Variants in MAGI2 observed in about 807,000 individuals in gnomAD.
MAGI2 encodes membrane associated guanylate kinase, WW and PDZ domain containing 2, also known as membrane-associated guanylate kinase, WW and PDZ domain-containing protein 2.
A neutral mutation model predicts 133.3 loss-of-function variants in MAGI2; 35 were observed. The ratio of observed to expected loss-of-function variants is 0.26; its 90% CI spans 0.20 to 0.35. The LOEUF (loss-of-function observed/expected upper bound fraction) is 0.35, where lower values mean the gene tolerates loss of function less well. Ranked by LOEUF, MAGI2 falls within the 10% of genes least tolerant of loss-of-function variation. The pLI, the probability that MAGI2 is intolerant of heterozygous loss-of-function variation, is 1.00. For missense variants in MAGI2, 1,636 were observed against 1,863.4 expected, an observed-to-expected ratio of 0.88 and a Z score of 2.25; for synonymous variants, 729 against 710.6, an observed-to-expected ratio of 1.03 and a Z score of -0.41.
chr7:78,906,474 A>T (rs745399202), intron 2 of MAGI2, among the ~76,000 whole-genome samples: 1 of 152,204 alleles, frequency 6.6e-6, no homozygotes, highest in Non-Finnish European at 1.5e-5. Context: ...ATCACCATAG[A>T]GTAATTTTAG....
At chr7:79,295,164 T>A (rs1836835048) in intron 1 of MAGI2, among the ~76,000 whole-genome samples, 1 of 152,168 alleles carries the variant, frequency 6.6e-6, no homozygotes. Context: ...CAGAAAATTT[T>A]AAAATTTAAA....
chr7:79,101,407 A>C (rs374981734), intron 1 of MAGI2, among the ~76,000 whole-genome samples: 3 of 152,142 alleles, frequency 2.0e-5, no homozygotes, highest in East Asian at 3.9e-4. Flanking sequence ...GGCTCTACTA[A>C]AGTTAATGCT....
intron 1 of MAGI2, among the ~76,000 whole-genome samples, chr7:79,375,914 A>G (rs1219955734): frequency 6.6e-6 from 1 of 151,924 alleles, no homozygotes; most frequent in East Asian, 1.9e-4. Flanking sequence ...CTTATCAGAT[A>G]TATGCTTTAA....
rs539437959 is a variant in MAGI2, at chr7:78,243,224, TACACAC to T, written c.2047+12713_2047+12718del. ...GCAACCTACCCTCAAATGGTTCAGA[TACACAC>T]ACACACACACACACACACACACACA... On this transcript the variant is annotated intron_variant, in intron 10 of 21. Coordinates refer to ENST00000354212, the MANE Select transcript of MAGI2 (RefSeq NM_012301.4). 3.2e-3 allele frequency among the ~76,000 whole-genome samples: 456 copies of T among 140,804 alleles called. 1 individual carries two copies. The highest frequency in any genetic ancestry group is 0.01 in the African/African-American group (377 of 36,484). 92.4% of individuals were successfully genotyped at this position (140,804 alleles called of 152,430 possible). A position where few individuals can be genotyped will look rare whatever the true frequency, so the allele number is the denominator to read the frequency against.
At chr7:78,818,319 G>C (rs572845563) in intron 2 of MAGI2, among the ~76,000 whole-genome samples, 7 of 152,092 alleles carry the variant, frequency 4.6e-5, no homozygotes, top group Admixed American at 4.6e-4. Context: ...GGGAGGAAAG[G>C]CTGTCTCATT....
rs1259075271 is a variant in MAGI2 at position 78,236,060 on chromosome 7, G to A, written c.2047+19883C>T. 7.5e-5 allele frequency among the ~76,000 whole-genome samples: 11 copies of A among 146,990 alleles called. No individual in the cohort carries two copies. In the South Asian group the frequency reaches 2.3e-3, roughly 31 times the overall value. On this transcript the variant is annotated intron_variant, in intron 10 of 21. Transcript: ENST00000354212. ...TTTTTTTTTTCTGAGTGAGGGCACT[G>A]TCGTATGGAAGGATTTACAGTCATA... is the stretch of plus-strand genomic sequence containing the variant.
At chr7:78,901,514 G>A (rs1797619910) in intron 2 of MAGI2, 1 of 152,092 alleles carries the variant, frequency 6.6e-6, no homozygotes, top group African/African-American at 2.4e-5. Flanking sequence ...TTCTTCCCTG[G>A]AAGTGGTAGA....
intron 9 of MAGI2, among the ~76,000 whole-genome samples, chr7:78,298,001 G>T (rs1189297560): frequency 7.5e-6 from 1 of 132,762 alleles, no homozygotes; most frequent in Admixed American, 7.4e-5. Flanking sequence ...AAAAAGAATT[G>T]TCTGGGAAAA....
At chr7:79,360,575 G>A (rs180774919) in intron 1 of MAGI2, among the ~76,000 whole-genome samples, 101 of 151,904 alleles carry the variant, frequency 6.6e-4, no homozygotes, top group African/African-American at 2.3e-3. Flanking sequence ...ATTTAAAAGC[G>A]GGGTAGGAAA....
At chr7:78,659,446 A>C (rs1165935782) in intron 2 of MAGI2, among the ~76,000 whole-genome samples, 3 of 149,918 alleles carry the variant, frequency 2.0e-5, no homozygotes, top group Non-Finnish European at 4.4e-5. Context: ...AAAAAAAAAA[A>C]AAAAAGCAAA....
chr7:78,221,076 A>T (rs1788780678), intron 10 of MAGI2, among the ~76,000 whole-genome samples: 1 of 152,148 alleles, frequency 6.6e-6, no homozygotes, highest in Non-Finnish European at 1.5e-5. Context: ...TCTGATCTTT[A>T]GCATGTCATG....
At chr7:79,225,700 C>T (rs1187367670) in intron 1 of MAGI2, among the ~76,000 whole-genome samples, 1 of 152,072 alleles carries the variant, frequency 6.6e-6, no homozygotes, top group East Asian at 1.9e-4. Context: ...CAAATGTGTG[C>T]ATATAAAATT....
chr7:78,610,180 C>T (rs1806285696), intron 3 of MAGI2, among the ~76,000 whole-genome samples: 1 of 152,100 alleles, frequency 6.6e-6, no homozygotes, highest in Non-Finnish European at 1.5e-5. Flanking sequence ...GAACTTTGCC[C>T]CAGCTGTGCA....
intron 20 of MAGI2, among the ~76,000 whole-genome samples, chr7:78,106,462 A>G (rs1274070621): frequency 6.6e-6 from 1 of 152,082 alleles, no homozygotes; most frequent in African/African-American, 2.4e-5. Context: ...ATGCTAATTT[A>G]CATTCCCACC....
intron 6 of MAGI2, among the ~76,000 whole-genome samples, chr7:78,376,548 C>A (rs1220931960): frequency 2.0e-5 from 3 of 151,938 alleles, no homozygotes; most frequent in Non-Finnish European, 4.4e-5. Context: ...ATTTTATGGG[C>A]TGGTTGTTGA....
intron 2 of MAGI2, among the ~76,000 whole-genome samples, chr7:78,985,912 T>C (rs908181022): frequency 1.3e-5 from 2 of 152,108 alleles, no homozygotes; most frequent in African/African-American, 4.8e-5. Flanking sequence ...GTCATCTTTG[T>C]TAATTCAGTG....
chr7:79,186,705 G>GTATATATATATATTTATACAAAAA (rs1827177161), intron 1 of MAGI2, among the ~76,000 whole-genome samples: 1 of 127,590 alleles, frequency 7.8e-6, no homozygotes, highest in African/African-American at 3.1e-5. Context: ...TTATACAAAA[G>GTATATATATATATTTATACAAAAA]TATATATATA....
At chr7:78,292,064 T>C (rs1796768916) in intron 9 of MAGI2, among the ~76,000 whole-genome samples, 1 of 152,248 alleles carries the variant, frequency 6.6e-6, no homozygotes, top group African/African-American at 2.4e-5. Context: ...TTCAACATAG[T>C]ATTGGAAGTT....
intron 2 of MAGI2, among the ~76,000 whole-genome samples, chr7:78,675,511 A>G (rs75990993): frequency 0.011 from 1,648 of 152,150 alleles, 31 homozygotes; most frequent in African/African-American, 0.037. Context: ...ATTGGTTTGG[A>G]TTGTTACTGA....
Sources: gnomAD v4.1 joint callset for allele counts (sites outside exome capture counted in the v4.1 genomes callset) on GRCh38, gnomAD v4.1.1 for gene constraint, MANE v1.5 for transcripts, NCBI Gene and HGNC (gene_info 2026-07-23, HGNC 2026-07-21) for gene names.